RBPJ: variants seen among roughly 807,000 people sequenced by gnomAD.
The protein encoded by RBPJ is recombining binding protein suppressor of hairless.
Under a neutral mutation model 67.8 loss-of-function variants are expected in RBPJ, and 9 were observed. The ratio of observed to expected loss-of-function variants is 0.13; its 90% CI spans 0.08 to 0.23. The LOEUF (loss-of-function observed/expected upper bound fraction) is 0.23, where lower values mean the gene tolerates loss of function less well. RBPJ is among the 10% of genes least tolerant of loss of function. The pLI, the probability that RBPJ is intolerant of heterozygous loss-of-function variation, is 1.00. For synonymous variants in RBPJ, 198 were observed against 203.3 expected, an observed-to-expected ratio of 0.97 and a Z score of 0.22; for missense variants, 305 against 595.6, an observed-to-expected ratio of 0.51 and a Z score of 5.08.
intron 1 of RBPJ, among the ~76,000 whole-genome samples, chr4:26,221,209 G>A (rs1277012283): frequency 6.6e-6 from 1 of 152,122 alleles, no homozygotes; most frequent in Non-Finnish European, 1.5e-5. Flanking sequence ...TCCTGCCTCA[G>A]CCTCCCAAGT....
chr4:26,361,238 C>T (rs1176829799), intron 1 of RBPJ, among the ~76,000 whole-genome samples: 2 of 152,064 alleles, frequency 1.3e-5, no homozygotes, highest in Non-Finnish European at 2.9e-5. Flanking sequence ...TAGTTTCTTC[C>T]CACCTACTCT....
upstream of RBPJ, among the ~76,000 whole-genome samples, chr4:26,158,756 A>G (rs573826574): frequency 2.3e-4 from 35 of 152,312 alleles, 1 homozygote; most frequent in Non-Finnish European, 3.2e-4. Context: ...TTGTAAAACC[A>G]TGTGTCATCC....
intron 1 of RBPJ, among the ~76,000 whole-genome samples, chr4:26,382,691 C>T (rs1201958918): frequency 6.6e-6 from 1 of 152,160 alleles, no homozygotes; most frequent in African/African-American, 2.4e-5. Flanking sequence ...CAGACTCCAG[C>T]TGCTACACCC....
rs1720637295 is a variant in RBPJ at position 26,264,185 on chromosome 4, C to G, written c.-166-98261C>G. 6.6e-6 allele frequency among the ~76,000 whole-genome samples: 1 copy of G among 152,108 alleles called. No individual in the cohort carries two copies. Among genetic ancestry groups the G allele is most frequent in the Non-Finnish European group, 1.5e-5 (1 of 68,014 alleles). On this transcript the variant is annotated intron_variant, in intron 1 of 4. Coordinates refer to the RBPJ transcript ENST00000512351. The surrounding 1 kb of genome is among the most constrained non-coding windows in gnomAD (Gnocchi z 4.1). ...GGCGTGAGCCACGGCGCCTGGCAGA[C>G]AGATTCATTTGTGTTCACAACCTGG...
At chr4:26,262,129 G>T (rs1720559392) in intron 1 of RBPJ, among the ~76,000 whole-genome samples, 1 of 151,610 alleles carries the variant, frequency 6.6e-6, no homozygotes, top group Non-Finnish European at 1.5e-5. Flanking sequence ...ATTTTTTATG[G>T]AGATGGGGTT....
the RBPJ span, among the ~76,000 whole-genome samples, chr4:26,140,184 C>T: frequency 3.3e-5 from 5 of 152,280 alleles, no homozygotes; most frequent in Admixed American, 3.3e-4. Flanking sequence ...ATACTGTTAC[C>T]ACAGCCTTGA....
chr4:26,380,302 A>C (rs1730183484), intron 1 of RBPJ, among the ~76,000 whole-genome samples: 1 of 152,094 alleles, frequency 6.6e-6, no homozygotes, highest in Non-Finnish European at 1.5e-5. Flanking sequence ...ATCGTTGTTC[A>C]TTTGTTGTAA....
chr4:26,182,493 C>A (rs991092177), intron 1 of RBPJ, among the ~76,000 whole-genome samples: 2 of 142,354 alleles, frequency 1.4e-5, no homozygotes, highest in Admixed American at 1.4e-4. Context: ...ACTTTTTAAA[C>A]TTTTTTTTTT....
chr4:26,147,183 A>G, the RBPJ span, among the ~76,000 whole-genome samples: 1 of 152,390 alleles, frequency 6.6e-6, no homozygotes, highest in South Asian at 2.1e-4. Flanking sequence ...AGTTGCAAAC[A>G]GTAAAGCTGA....
intron 1 of RBPJ, among the ~76,000 whole-genome samples, chr4:26,210,659 C>T (rs984176160): frequency 3.0e-5 from 2 of 66,646 alleles, no homozygotes; most frequent in South Asian, 5.9e-4. Context: ...AGCTTTCTTT[C>T]TTTTTTCTTT....
intron 1 of RBPJ, among the ~76,000 whole-genome samples, chr4:26,212,548 C>T (rs1187084825): frequency 1.3e-5 from 2 of 150,278 alleles, no homozygotes; most frequent in African/African-American, 4.9e-5. Context: ...GCGATTCCCA[C>T]CTTCTTTTTT....
chr4:26,131,387 C>T, the RBPJ span, among the ~76,000 whole-genome samples: 5 of 152,084 alleles, frequency 3.3e-5, no homozygotes, highest in Non-Finnish European at 5.9e-5. Flanking sequence ...TCAAGTATTA[C>T]GTGGTGTCAG....
rs373341884 is a variant in RBPJ at position 26,390,368 on chromosome 4, A to T, written c.59+3977A>T. Among the ~76,000 whole-genome samples the T allele has an allele frequency of 1.1e-4, 17 of 152,282 alleles. No individual in the cohort carries two copies. The East Asian group carries it at 1.5e-3, about 14-fold the overall frequency. On this transcript the variant is annotated intron_variant, in intron 2 of 10. Transcript: ENST00000355476. The stretch of plus-strand genomic sequence containing the variant: ...AACACAAGGATGTCTGCTTTCACAG[A>T]TTTCATTTAACATTGTATTTTGAGG...
intron 1 of RBPJ, among the ~76,000 whole-genome samples, chr4:26,341,542 A>T (rs1188859213): frequency 2.0e-5 from 3 of 151,148 alleles, no homozygotes; most frequent in Non-Finnish European, 4.4e-5. Context: ...TGTTACCTGG[A>T]GGTGGAGGTT....
At chr4:26,144,295 C>T in the RBPJ span, among the ~76,000 whole-genome samples, 1 of 101,268 alleles carries the variant, frequency 9.9e-6, no homozygotes, top group African/African-American at 3.9e-5. Context: ...TTTTGAGACA[C>T]AGTCTCACTC....
At chr4:26,194,529 G>A (rs958705540) in intron 1 of RBPJ, among the ~76,000 whole-genome samples, 2 of 152,208 alleles carry the variant, frequency 1.3e-5, no homozygotes, top group African/African-American at 4.8e-5. Context: ...CTTGTTCCGT[G>A]CCACACAGCC....
chr4:26,277,761 G>A (rs1426766408), intron 1 of RBPJ, among the ~76,000 whole-genome samples: 2 of 152,204 alleles, frequency 1.3e-5, no homozygotes, highest in African/African-American at 4.8e-5. Flanking sequence ...TTTCATGAGA[G>A]AAATGCTCTC....
intron 2 of RBPJ, among the ~76,000 whole-genome samples, chr4:26,405,644 G>T (rs968443260): frequency 2.6e-5 from 4 of 151,964 alleles, no homozygotes; most frequent in Non-Finnish European, 5.9e-5. Context: ...ATTCGTATGT[G>T]AACTATAGGC....
chr4:26,147,925 G>A, the RBPJ span, among the ~76,000 whole-genome samples: 5 of 152,274 alleles, frequency 3.3e-5, no homozygotes, highest in Non-Finnish European at 4.4e-5. Flanking sequence ...CCTGACCAGC[G>A]CATCAACATC....
Sources: gnomAD v4.1 joint callset for allele counts (sites outside exome capture counted in the v4.1 genomes callset) on GRCh38, gnomAD v4.1.1 for gene constraint, Gnocchi (gnomAD v3.1) non-coding constraint, MANE v1.5 for transcripts, NCBI Gene and HGNC (gene_info 2026-07-23, HGNC 2026-07-21) for gene names.